Variants in NPAS2 observed in about 807,000 individuals in gnomAD.
NPAS2 encodes neuronal PAS domain protein 2.
NPAS2 carries 23 observed loss-of-function variants against 107.5 expected under a neutral mutation model. The ratio of observed to expected loss-of-function variants is 0.21; its 90% confidence interval spans 0.15 to 0.30. NPAS2 has a LOEUF of 0.30. NPAS2 is among the 10% of genes least tolerant of loss of function. The pLI is 1.00. For missense variants in NPAS2, 756 were observed against 1,043.3 expected, an observed-to-expected ratio of 0.72 and a Z score of 3.79; for synonymous variants, 403 against 417.5, an observed-to-expected ratio of 0.97 and a Z score of 0.42.
intron 17 of NPAS2, 25 bp from the exon 18 acceptor site, chr2:100,990,231 C>A (rs1266047697): frequency 5.6e-6 from 9 of 1,610,656 alleles, no homozygotes; most frequent in African/African-American, 1.3e-5. Flanking sequence ...CAAGTCTTAC[C>A]TTTCTCATTG....
intron 1 of NPAS2, among the ~76,000 whole-genome samples, chr2:100,861,394 G>C (rs182279589): frequency 6.6e-6 from 1 of 152,284 alleles, no homozygotes; most frequent in East Asian, 1.9e-4. Context: ...ATGGATTTAA[G>C]GTAGATTTTG....
intron 1 of NPAS2, among the ~76,000 whole-genome samples, chr2:100,839,345 T>C (rs1018315397): frequency 8.9e-4 from 136 of 152,206 alleles, no homozygotes; most frequent in African/African-American, 3.2e-3. Context: ...GCCAGGTTGC[T>C]CTCAAACTCC....
chr2:100,873,305 T>C (rs1027853462), intron 1 of NPAS2, among the ~76,000 whole-genome samples: 2,409 of 37,978 alleles, frequency 0.063, 51 homozygotes, highest in African/African-American at 0.095. Flanking sequence ...TATATATATA[T>C]ATACACACAC....
intron 1 of NPAS2, among the ~76,000 whole-genome samples, chr2:100,875,461 T>TACACACACACACACACACACAC (rs56331462): frequency 7.0e-6 from 1 of 143,568 alleles, no homozygotes; most frequent in African/African-American, 2.6e-5. Context: ...ATTAAAAGCT[T>TACACACACACACACACACACAC]ACACACACAC....
At chr2:100,844,576 TA>T (rs1317403259) in intron 1 of NPAS2, among the ~76,000 whole-genome samples, 4 of 152,104 alleles carry the variant, frequency 2.6e-5, no homozygotes, top group South Asian at 4.2e-4. Context: ...GACTGCAGAG[TA>T]CATTTTGAAA....
intron 2 of NPAS2, among the ~76,000 whole-genome samples, chr2:100,923,618 T>A (rs576339434): frequency 6.6e-6 from 1 of 152,230 alleles, no homozygotes; most frequent in South Asian, 2.1e-4. Flanking sequence ...GGTGAAGGAT[T>A]TGCTCCCCTG....
At chr2:100,848,629 G>A (rs1023448591) in intron 1 of NPAS2, among the ~76,000 whole-genome samples, 3 of 152,172 alleles carry the variant, frequency 2.0e-5, no homozygotes, top group African/African-American at 7.2e-5. Flanking sequence ...TTGAAAAAGT[G>A]ATCTTTTCAG....
At chr2:100,927,095 C>T (rs920704142) in intron 3 of NPAS2, among the ~76,000 whole-genome samples, 16 of 151,832 alleles carry the variant, frequency 1.1e-4, no homozygotes, top group African/African-American at 2.7e-4. Context: ...CCACCACACC[C>T]GGCTAATTTT....
chr2:100,898,785 TAAAA>T (rs3042765), intron 1 of NPAS2, among the ~76,000 whole-genome samples: 1 of 144,184 alleles, frequency 6.9e-6, no homozygotes. Flanking sequence ...GTCTTTCACC[TAAAA>T]AAAAAAAAAA....
At chr2:100,861,597 G>A (rs761723985) in intron 1 of NPAS2, among the ~76,000 whole-genome samples, 1 of 152,124 alleles carries the variant, frequency 6.6e-6, no homozygotes, top group Admixed American at 6.5e-5. Context: ...TGGGCTCAGG[G>A]GTCTGGGACA....
In NPAS2 at chr2:100,886,638, C is replaced by T. The variant is rs574188491; in HGVS notation, c.-22-18095C>T. Among the ~76,000 whole-genome samples the T allele has an allele frequency of 7.2e-5, 11 of 152,264 alleles. No individual in the cohort carries two copies. The East Asian group carries it at 1.9e-3, about 27-fold the overall frequency. On this transcript the variant is annotated intron_variant, in intron 1 of 20. Transcript: ENST00000335681. ...TGAGGCAGAGAGGGTTAGGAACTTG[C>T]CTAAGCTAGTTAAGCAACAGTCACG... is the stretch of plus-strand genomic sequence containing the variant.
intron 1 of NPAS2, among the ~76,000 whole-genome samples, chr2:100,900,447 C>T (rs1411973091): frequency 6.6e-6 from 1 of 152,168 alleles, no homozygotes; most frequent in Non-Finnish European, 1.5e-5. Flanking sequence ...GCCACTGGAA[C>T]TCCTTGTACA....
chr2:100,963,026 G>A (rs566841363), intron 7 of NPAS2, among the ~76,000 whole-genome samples: 195 of 152,372 alleles, frequency 1.3e-3, no homozygotes, highest in African/African-American at 4.0e-3. Context: ...TTGAGAAGAT[G>A]TAAGAAGATG....
chr2:100,834,272 T>TTGGGA (rs1676924171), intron 1 of NPAS2, among the ~76,000 whole-genome samples: 1 of 152,134 alleles, frequency 6.6e-6, no homozygotes, highest in South Asian at 2.1e-4. Context: ...CCCAGAGGTT[T>TTGGGA]TGGGAGGGCC....
rs1170069158 is a variant in NPAS2, at chr2:100,882,424, A to ATG, written c.-22-22309_-22-22308insTG. 8.0e-3 allele frequency among the ~76,000 whole-genome samples: 1,216 copies of ATG among 152,276 alleles called. 9 individuals carry two copies. Among genetic ancestry groups the ATG allele is most frequent in the African/African-American group, 0.026 (1,099 of 41,558 alleles). ...GGAGTTCGAGACCATCCTGGCTAAC[A>ATG]CAGTGAAACCCCATCTCTACTAAAA... is the stretch of plus-strand genomic sequence containing the variant. On this transcript the variant is annotated intron_variant, in intron 1 of 20. Coordinates refer to ENST00000335681, the MANE Select transcript of NPAS2 (RefSeq NM_002518.4).
chr2:100,854,116 C>G (rs116548772), intron 1 of NPAS2, among the ~76,000 whole-genome samples: 1,947 of 141,588 alleles, frequency 0.014, 41 homozygotes, highest in African/African-American at 0.047. Context: ...CACCACTGCA[C>G]TCCAGCCTCG....
chr2:100,965,836 C>T lies in NPAS2; in HGVS notation c.907+70C>T, dbSNP rs529189584. 74 of 964,998 alleles carry T rather than the reference C, an allele frequency of 7.7e-5. No individual in the cohort carries two copies. Among genetic ancestry groups the T allele is most frequent in the Non-Finnish European group, 1.1e-4 (68 of 615,282 alleles). The allele number at this position is 964,998 out of a possible 1,614,324, so 59.8% of individuals were successfully genotyped here. A position where few individuals can be genotyped will look rare whatever the true frequency, so the allele number is the denominator to read the frequency against. On this transcript the variant is annotated intron_variant, in intron 10 of 20. Transcript: ENST00000335681. This position sits in a 1 kb window ranked among gnomAD's most constrained non-coding sequence, Gnocchi z 4.3. ...TCCACTGGGGCCCAGCAGCAGGGCT[C>T]TGGGACTCCAGAAGCCTCTGCTCGT...
At position 100,904,714 on chromosome 2, in the gene NPAS2, T is replaced by A; in HGVS notation, c.-22-19T>A. ...CAGTAATTATCCATTCTTTTTAATTTTTTTTTTTTTTTTTGCAGGAAAAAC... is the reference window on the plus strand; with the variant it reads ...CAGTAATTATCCATTCTTTTTAATTATTTTTTTTTTTTTTGCAGGAAAAAC... On this transcript the variant is annotated intron_variant, in intron 1 of 20. Coordinates refer to ENST00000335681, the MANE Select transcript of NPAS2 (RefSeq NM_002518.4). 1.4e-6 allele frequency: 1 copy of A among 710,366 alleles called. No homozygotes were observed. Among genetic ancestry groups the A allele is most frequent in the Non-Finnish European group, 1.9e-6 (1 of 518,264 alleles). The allele number at this position is 710,366 out of a possible 1,614,324, so 44.0% of individuals were successfully genotyped here. A position where few individuals can be genotyped will look rare whatever the true frequency, so the allele number is the denominator to read the frequency against.
chr2:100,862,070 A>G, intron 1 of NPAS2, among the ~76,000 whole-genome samples: 1 of 152,248 alleles, frequency 6.6e-6, no homozygotes, highest in Non-Finnish European at 1.5e-5. Flanking sequence ...GATAAGGGGT[A>G]ATTAAAAATA....
Sources: gnomAD v4.1 joint callset for allele counts (sites outside exome capture counted in the v4.1 genomes callset) on GRCh38, gnomAD v4.1.1 for gene constraint, Gnocchi (gnomAD v3.1) non-coding constraint, MANE v1.5 for transcripts, NCBI Gene and HGNC (gene_info 2026-07-23, HGNC 2026-07-21) for gene names.